Variants in WDR7 observed in about 807,000 individuals in gnomAD.
The protein encoded by WDR7 is WD repeat domain 7.
In WDR7, 46 loss-of-function variants were observed where a neutral mutation model predicts 169.4. That is an observed-to-expected ratio of 0.27 (90% CI 0.21 to 0.35). The LOEUF (loss-of-function observed/expected upper bound fraction) is 0.35. Among genes scored for constraint, WDR7 ranks in the 10% least tolerant of loss-of-function variants. The pLI is 1.00. For missense variants in WDR7, 1,534 were observed against 1,859.3 expected (o/e 0.83, Z 3.22); for synonymous variants, 612 against 666.8 (o/e 0.92, Z 1.27).
intron 21 of WDR7, among the ~76,000 whole-genome samples, chr18:56,900,109 T>TATAA (rs1338219671): frequency 6.8e-6 from 1 of 147,832 alleles, no homozygotes; most frequent in African/African-American, 2.5e-5. Flanking sequence ...TATATATATA[T>TATAA]AAAATTGTTA....
At chr18:57,021,169 T>G (rs1480412183) in intron 27 of WDR7, among the ~76,000 whole-genome samples, 1 of 152,134 alleles carries the variant, frequency 6.6e-6, no homozygotes, top group Non-Finnish European at 1.5e-5. Context: ...TCAGGGGAAG[T>G]GACACCTAAA....
At chr18:56,977,123 G>A (rs73444886) in intron 26 of WDR7, among the ~76,000 whole-genome samples, 6,398 of 152,256 alleles carry the variant, frequency 0.042, 418 homozygotes, top group African/African-American at 0.14. Flanking sequence ...GCCAATGTAT[G>A]TAAGATATTT....
At chr18:56,772,754 T>C (rs924674925) in intron 16 of WDR7, among the ~76,000 whole-genome samples, 7 of 151,344 alleles carry the variant, frequency 4.6e-5, no homozygotes, top group African/African-American at 1.5e-4. Context: ...TATATATTTA[T>C]ATTGGGAGTA....
intron 26 of WDR7, among the ~76,000 whole-genome samples, chr18:57,015,745 C>G (rs1366709338): frequency 1.3e-5 from 2 of 152,216 alleles, no homozygotes. Context: ...CTGCAAGCAC[C>G]CGCTGCACCT....
At chr18:56,759,652 TACTG>T (rs1161594070) in intron 16 of WDR7, among the ~76,000 whole-genome samples, 6 of 152,184 alleles carry the variant, frequency 3.9e-5, no homozygotes, top group Non-Finnish European at 7.4e-5. Flanking sequence ...AAAGAGTTAA[TACTG>T]ACTCTTCACA....
At chr18:56,679,694 A>G (rs143731264) in intron 3 of WDR7, among the ~76,000 whole-genome samples, 5 of 152,196 alleles carry the variant, frequency 3.3e-5, no homozygotes, top group Non-Finnish European at 7.3e-5. Flanking sequence ...TCAGAATACT[A>G]TAAAAGTTAA....
At chr18:56,804,076 G>A (rs895112605) in intron 19 of WDR7, among the ~76,000 whole-genome samples, 3 of 152,202 alleles carry the variant, frequency 2.0e-5, no homozygotes, top group African/African-American at 4.8e-5. Context: ...GATTACAAAC[G>A]TGAGCCACCA....
Position 56,793,424 on chromosome 18 carries a change from A to C in WDR7, c.3190+11768A>C, listed in dbSNP as rs2044526590. ...TCGTTGGATGAAGTTAAATCTGTTAATTTGGTTTCTTCTCTTTTCAAGGCA... is the reference window on the plus strand; with the variant it reads ...TCGTTGGATGAAGTTAAATCTGTTACTTTGGTTTCTTCTCTTTTCAAGGCA... On this transcript the variant is annotated intron_variant, in intron 19 of 27. Coordinates refer to ENST00000254442, the MANE Select transcript of WDR7 (RefSeq NM_015285.3). 2.0e-5 allele frequency among the ~76,000 whole-genome samples: 3 copies of C among 152,300 alleles called. No homozygotes were observed. The South Asian group carries it at 6.2e-4, about 32-fold the overall frequency.
chr18:57,017,883 A>G (rs973762497), intron 26 of WDR7, among the ~76,000 whole-genome samples: 4 of 152,352 alleles, frequency 2.6e-5, no homozygotes, highest in African/African-American at 9.6e-5. Flanking sequence ...CAGCTGAAAT[A>G]GAAGTACCCT....
At chr18:56,674,149 G>A (rs141760625) in intron 2 of WDR7, among the ~76,000 whole-genome samples, 177 of 152,272 alleles carry the variant, frequency 1.2e-3, no homozygotes, top group African/African-American at 4.1e-3. Context: ...ACACCCGAGC[G>A]TGGAATTGTG....
At chr18:56,868,692 A>AT in intron 20 of WDR7, among the ~76,000 whole-genome samples, 1 of 152,232 alleles carries the variant, frequency 6.6e-6, no homozygotes, top group East Asian at 1.9e-4. Context: ...GATTTGTATA[A>AT]TTTTACAAGT....
chr18:56,724,461 C>T (rs1381793674), intron 13 of WDR7, among the ~76,000 whole-genome samples: 4 of 151,856 alleles, frequency 2.6e-5, no homozygotes, highest in African/African-American at 9.7e-5. Flanking sequence ...ATCCACCTGC[C>T]TTGGCCTCCC....
At chr18:56,948,413 C>CAA (rs1188807579) in intron 25 of WDR7, among the ~76,000 whole-genome samples, 2 of 138,866 alleles carry the variant, frequency 1.4e-5, no homozygotes, top group African/African-American at 5.3e-5. Flanking sequence ...TTCACAGATT[C>CAA]AAAAAAAAAA....
downstream of WDR7, chr18:57,030,707 G>A (rs566428310): frequency 6.6e-6 from 1 of 152,296 alleles, no homozygotes; most frequent in South Asian, 2.1e-4. Context: ...ACAAGGCCAA[G>A]ATAATCCAAG....
At chr18:56,883,439 A>AT (rs2046140730) in intron 21 of WDR7, among the ~76,000 whole-genome samples, 1 of 149,576 alleles carries the variant, frequency 6.7e-6, no homozygotes, top group South Asian at 2.1e-4. Context: ...TAATAATTTT[A>AT]TTTTTTAAAT....
intron 20 of WDR7, among the ~76,000 whole-genome samples, chr18:56,817,361 AAAAATT>A (rs1232260283): frequency 6.6e-6 from 1 of 150,908 alleles, no homozygotes; most frequent in Admixed American, 6.6e-5. Context: ...AAAAAAAAAG[AAAAATT>A]AAAAGGAGAA....
At chr18:57,016,081 T>A (rs1289512865) in intron 26 of WDR7, among the ~76,000 whole-genome samples, 1 of 152,148 alleles carries the variant, frequency 6.6e-6, no homozygotes, top group Non-Finnish European at 1.5e-5. Flanking sequence ...AGAGGCCACG[T>A]GCAGCCAACT....
At chr18:56,666,325 T>C (rs1224190251) in intron 1 of WDR7, among the ~76,000 whole-genome samples, 3 of 150,268 alleles carry the variant, frequency 2.0e-5, no homozygotes, top group Non-Finnish European at 3.0e-5. Flanking sequence ...TGCCTTAGCC[T>C]TTCTAGTAGC....
chr18:56,834,914 C>T (rs2045372737), intron 20 of WDR7, among the ~76,000 whole-genome samples: 1 of 152,152 alleles, frequency 6.6e-6, no homozygotes, highest in Non-Finnish European at 1.5e-5. Flanking sequence ...TTATTTCTCC[C>T]TGCTTTATGA....
Sources: allele counts gnomAD v4.1 joint callset (sites outside exome capture counted in the v4.1 genomes callset), GRCh38; gene constraint gnomAD v4.1.1; transcripts MANE v1.5; gene names NCBI Gene and HGNC (gene_info 2026-07-23, HGNC 2026-07-21).